Variants in CCSER1 observed in about 807,000 individuals in gnomAD.
CCSER1 encodes the protein coiled-coil serine rich protein 1.
A neutral mutation model predicts 82.0 loss-of-function variants in CCSER1; 41 were observed. The observed-to-expected ratio is 0.50, with a 90% CI of 0.39 to 0.65. CCSER1 has a LOEUF of 0.65. Ranked by LOEUF, CCSER1 falls within the 30% of genes least tolerant of loss-of-function variation. CCSER1 has a pLI of 0.00. For missense variants in CCSER1, 1,119 were observed against 1,064.2 expected (o/e 1.05, Z -0.72); for synonymous variants, 414 against 383.9 (o/e 1.08, Z -0.92).
At chr4:90,285,759 C>T (rs1729768723) in intron 1 of CCSER1, among the ~76,000 whole-genome samples, 1 of 151,924 alleles carries the variant, frequency 6.6e-6, no homozygotes, top group Non-Finnish European at 1.5e-5. Flanking sequence ...CCATTTAATA[C>T]ATAGCTAGTT....
At chr4:91,196,552 C>T (rs992911344) in intron 10 of CCSER1, among the ~76,000 whole-genome samples, 1 of 152,078 alleles carries the variant, frequency 6.6e-6, no homozygotes, top group Non-Finnish European at 1.5e-5. Context: ...CATGACAACC[C>T]CCCTGCCCAT....
chr4:91,516,618 G>T (rs1760137617), intron 10 of CCSER1, among the ~76,000 whole-genome samples: 1 of 152,110 alleles, frequency 6.6e-6, no homozygotes, highest in African/African-American at 2.4e-5. Context: ...TAGCCTTGTA[G>T]TATATTTTGA....
chr4:91,533,345 G>A (rs1761130816), intron 10 of CCSER1, among the ~76,000 whole-genome samples: 4 of 152,152 alleles, frequency 2.6e-5, no homozygotes, highest in Admixed American at 2.6e-4. Flanking sequence ...CAAGCCATAA[G>A]TTTTCCTATG....
intron 4 of CCSER1, among the ~76,000 whole-genome samples, chr4:90,404,392 G>C (rs1753396226): frequency 6.6e-6 from 1 of 152,068 alleles, no homozygotes; most frequent in Non-Finnish European, 1.5e-5. Context: ...CTCCCTGGTG[G>C]CCTAAGACAA....
intron 10 of CCSER1, among the ~76,000 whole-genome samples, chr4:91,216,023 C>G (rs1019096854): frequency 6.6e-6 from 1 of 152,184 alleles, no homozygotes; most frequent in African/African-American, 2.4e-5. Flanking sequence ...TTCTGAATCT[C>G]ATACACTTTG....
intron 5 of CCSER1, among the ~76,000 whole-genome samples, chr4:90,493,737 T>A (rs369946730): frequency 3.9e-4 from 58 of 147,690 alleles, no homozygotes; most frequent in Non-Finnish European, 7.7e-4. Flanking sequence ...TCACCACCGC[T>A]CCTGCCCTAA....
At chr4:91,071,445 G>A (rs1305847035) in intron 9 of CCSER1, among the ~76,000 whole-genome samples, 1 of 152,130 alleles carries the variant, frequency 6.6e-6, no homozygotes, top group East Asian at 1.9e-4. Context: ...TAGGTGAAGA[G>A]AGTTCCAGGC....
At chr4:90,437,868 G>A (rs770980345) in intron 4 of CCSER1, among the ~76,000 whole-genome samples, 14 of 152,170 alleles carry the variant, frequency 9.2e-5, no homozygotes, top group African/African-American at 2.2e-4. Flanking sequence ...ATAGCCAGAG[G>A]TGATTTCATG....
At chr4:90,582,415 T>G (rs144023876) in intron 5 of CCSER1, among the ~76,000 whole-genome samples, 1 of 152,212 alleles carries the variant, frequency 6.6e-6, no homozygotes, top group African/African-American at 2.4e-5. Context: ...TTTCTTTACC[T>G]ACTATTATAT....
chr4:90,890,028 A>G (rs971248505), intron 8 of CCSER1, among the ~76,000 whole-genome samples: 6 of 152,164 alleles, frequency 3.9e-5, no homozygotes, highest in South Asian at 2.1e-4. Context: ...TTGAATCACA[A>G]TTTCTTTTGT....
At chr4:90,512,242 C>A (rs191808884) in intron 5 of CCSER1, among the ~76,000 whole-genome samples, 2 of 151,152 alleles carry the variant, frequency 1.3e-5, no homozygotes, top group Non-Finnish European at 2.9e-5. Context: ...CTCCATACCC[C>A]ACTCCTTTTC....
Position 91,124,959 on chromosome 4 carries a change from C to T in CCSER1, c.2217+38965C>T, listed in dbSNP as rs72888544. Among the ~76,000 whole-genome samples, 997 of 151,774 alleles carry T rather than the reference C, an allele frequency of 6.6e-3. 10 individuals carry two copies. Among genetic ancestry groups the T allele is most frequent in the African/African-American group, 0.023 (938 of 41,494 alleles). On this transcript the variant is annotated intron_variant, in intron 10 of 10. Transcript: ENST00000509176. ...GAGCAGCTTCTTTTGAACTTTCTTT[C>T]CCTACATGTTACTTGTGTAAGTGAA...
intron 10 of CCSER1, among the ~76,000 whole-genome samples, chr4:91,171,740 T>C (rs567852675): frequency 2.0e-5 from 3 of 152,102 alleles, no homozygotes; most frequent in Non-Finnish European, 4.4e-5. Context: ...TAGGCAAAAT[T>C]TGAATGTGAT....
At chr4:90,552,982 T>A (rs1777701731) in intron 5 of CCSER1, among the ~76,000 whole-genome samples, 1 of 151,870 alleles carries the variant, frequency 6.6e-6, no homozygotes, top group African/African-American at 2.4e-5. Flanking sequence ...ACCATTTTTT[T>A]TTTTTTTGAG....
At chr4:90,446,813 G>A (rs1167536165) in intron 4 of CCSER1, among the ~76,000 whole-genome samples, 3 of 151,918 alleles carry the variant, frequency 2.0e-5, no homozygotes, top group Admixed American at 6.6e-5. Context: ...CAGCAATACC[G>A]GCCTCTCCTC....
At position 90,469,140 on chromosome 4, in the gene CCSER1, A is replaced by G. The variant is rs140515887; in HGVS notation, c.1724+786A>G. On this transcript the variant is annotated intron_variant, in intron 5 of 10. Coordinates refer to ENST00000509176, the MANE Select transcript of CCSER1 (RefSeq NM_001145065.2). ...GCTGACCACCGTAGGAGTAAGGCGGAAGATATATCTTGATGTACCTACCAT... is the reference window on the plus strand; with the variant it reads ...GCTGACCACCGTAGGAGTAAGGCGGGAGATATATCTTGATGTACCTACCAT... 4.4e-3 allele frequency among the ~76,000 whole-genome samples: 663 copies of G among 152,178 alleles called. 6 individuals carry two copies. The highest frequency in any genetic ancestry group is 0.015 in the African/African-American group (642 of 41,538).
At position 90,151,417 on chromosome 4, in the gene CCSER1, G is replaced by A. The variant is rs538465670; in HGVS notation, c.-42+23586G>A. ...GTTTTAAAATGTTTAGCTTTAAGATGATTTCTATAAAGTCTACCATTTGGG... is the reference window on the plus strand; with the variant it reads ...GTTTTAAAATGTTTAGCTTTAAGATAATTTCTATAAAGTCTACCATTTGGG... On this transcript the variant is annotated intron_variant, in intron 1 of 10. Transcript: ENST00000509176. Among the ~76,000 whole-genome samples the A allele has an allele frequency of 1.3e-3, 199 of 152,024 alleles. 1 individual carries two copies. Among genetic ancestry groups the A allele is most frequent in the Non-Finnish European group, 2.2e-3 (152 of 67,924 alleles).
intron 10 of CCSER1, among the ~76,000 whole-genome samples, chr4:91,392,027 T>C (rs995155699): frequency 1.3e-5 from 2 of 152,108 alleles, no homozygotes; most frequent in African/African-American, 4.8e-5. Context: ...TGCCCATCGA[T>C]ACAGCAATTG....
chr4:90,438,032 C>A (rs1759298691), intron 4 of CCSER1, among the ~76,000 whole-genome samples: 1 of 151,824 alleles, frequency 6.6e-6, no homozygotes, highest in Admixed American at 6.6e-5. Context: ...CTGTAAAATG[C>A]AATAATAATA....
Sources: allele counts gnomAD v4.1 joint callset (sites outside exome capture counted in the v4.1 genomes callset), GRCh38; gene constraint gnomAD v4.1.1; transcripts MANE v1.5; gene names NCBI Gene and HGNC (gene_info 2026-07-23, HGNC 2026-07-21).